WBP1: variants seen among roughly 807,000 people sequenced by gnomAD.
WBP1 encodes the protein WW domain binding protein 1.
A neutral mutation model predicts 25.6 loss-of-function variants in WBP1; 18 were observed. The observed-to-expected ratio is 0.70, with a 90% confidence interval of 0.49 to 1.04. The LOEUF is 1.04. WBP1 is among the 50% of genes least tolerant of loss of function. The pLI is 0.00. For missense variants in WBP1, 330 were observed against 352.9 expected, an observed-to-expected ratio of 0.94 and a Z score of 0.52; for synonymous variants, 122 against 137.7, an observed-to-expected ratio of 0.89 and a Z score of 0.80.
chr2:74,460,112 G>A (rs1043655203), intron 3 of WBP1, 63 bp downstream of exon 3: 63 of 1,590,330 alleles, frequency 4.0e-5, no homozygotes, highest in South Asian at 3.5e-4. Context: ...ACCCCAAATC[G>A]TCTCACATTC....
chr2:74,459,242 C>T (rs932310662), intron 1 of WBP1: 33 of 1,216,170 alleles, frequency 2.7e-5, no homozygotes, highest in African/African-American at 1.1e-4. Flanking sequence ...AATGACCTAC[C>T]GCTACCCGTT....
chr2:74,460,195 A>AATC, intron 3 of WBP1, 26 bp from the exon 4 acceptor site: 1 of 1,592,642 alleles, frequency 6.3e-7, no homozygotes, highest in Non-Finnish European at 8.6e-7. Context: ...GTCTTCAACC[A>AATC]ATCATGCCAA....
chr2:74,458,924 G>T, intron 1 of WBP1: 1 of 1,550,952 alleles, frequency 6.4e-7, no homozygotes, highest in South Asian at 1.2e-5. Context: ...GGCATAGTGA[G>T]GTCCCAGGGA....
At chr2:74,458,859 T>A (rs764897716) in intron 1 of WBP1, 188 bp downstream of exon 1, 4 of 1,549,650 alleles carry the variant, frequency 2.6e-6, no homozygotes, top group Non-Finnish European at 3.5e-6. Context: ...TGTAGCCTCA[T>A]AGAACCCATC....
chr2:74,460,807 T>C lies in WBP1; in HGVS notation c.*126T>C, dbSNP rs543103300. ...CTGAAAGGGCTGGAGAGGGGCAGTATTGGGGGACTGTGCTAGCTTTACCCC... is the reference window on the plus strand; with the variant it reads ...CTGAAAGGGCTGGAGAGGGGCAGTACTGGGGGACTGTGCTAGCTTTACCCC... On this transcript the variant is annotated 3_prime_UTR_variant, in exon 4 of 4. Coordinates refer to ENST00000233615, the MANE Select transcript of WBP1 (RefSeq NM_012477.4). 4.7e-5 allele frequency: 40 copies of C among 851,502 alleles called. No homozygotes were observed. The highest frequency in any genetic ancestry group is 6.5e-5 in the Non-Finnish European group (36 of 553,464). The allele number at this position is 851,502 out of a possible 1,614,324, so 52.7% of individuals were successfully genotyped here.
chr2:74,458,514 G>T lies in WBP1; in HGVS notation c.-89G>T. ...GGCCTCAGCGAAGATGGGCCGGGCA[G>T]GGACCATGGCGGTGGCAGCAGAGGT... On this transcript the variant is annotated 5_prime_UTR_variant, in exon 1 of 4. It adds an upstream start codon to the 5' untranslated region. Transcript: ENST00000233615. 4 of 1,511,712 alleles carry T rather than the reference G, an allele frequency of 2.6e-6. No individual in the cohort carries two copies. In the East Asian group the frequency reaches 9.9e-5, roughly 37 times the overall value. 93.6% of individuals were successfully genotyped at this position (1,511,712 alleles called of 1,614,324 possible).
intron 1 of WBP1, 197 bp from the exon 2 acceptor site, chr2:74,459,446 T>G: frequency 6.3e-6 from 4 of 639,250 alleles, no homozygotes; most frequent in Non-Finnish European, 1.1e-5. Context: ...AGACTGATTC[T>G]TGCTATTCCA....
intron 1 of WBP1, chr2:74,458,992 AAC>A (rs1558562470): frequency 6.4e-7 from 1 of 1,550,612 alleles, no homozygotes; most frequent in Non-Finnish European, 8.7e-7. Context: ...CTATTGTCAC[AAC>A]AGAGTCCGGC....
At position 74,460,472 on chromosome 2, in the gene WBP1, C is replaced by T. The variant is rs141608282; in HGVS notation, c.601C>T (p.Pro201Ser). 3.1e-6 allele frequency: 5 copies of T among 1,613,562 alleles called. No individual in the cohort carries two copies. Among genetic ancestry groups the T allele is most frequent in the East Asian group, 2.2e-5 (1 of 44,870 alleles). Reference protein sequence around the residue: ...GAGVTPASTPPSCRYRRLTGD... With the variant: ...GAGVTPASTPSSCRYRRLTGD... ...AGGGGTGACCCCTGCCTCCACACCC[C>T]CCTCCTGCCGCTATCGCCGTTTAAC... Residue 201 changes from proline (P) to serine (S), a missense_variant, in exon 4 of 4, where the codon CCC becomes TCC. Physicochemically the swap from Pro to Ser is moderately conservative, Grantham distance 74. Coordinates refer to ENST00000233615, the MANE Select transcript of WBP1 (RefSeq NM_012477.4).
chr2:74,459,132 C>A (rs1454825033), intron 1 of WBP1: 3 of 1,539,390 alleles, frequency 1.9e-6, no homozygotes, highest in East Asian at 2.4e-5. Flanking sequence ...CACACTGCCC[C>A]TCCTCTATCC....
chr2:74,458,980 G>T (rs778868928), intron 1 of WBP1: 1 of 1,550,578 alleles, frequency 6.4e-7, no homozygotes, highest in East Asian at 2.4e-5. Flanking sequence ...TTTTCTATGT[G>T]CCTATTGTCA....
In WBP1 at chr2:74,458,636, G is replaced by T; in HGVS notation, c.34G>T (p.Glu12Ter). ...GGCCAGCAGCGGGAACGGCAGCGAG[G>T]AGGCCTGGGGGGCACTTCGGGCGCC... is the stretch of plus-strand genomic sequence containing the variant. ...ARASSGNGSEEAWGALRAPQQ... is the reference protein window; with the variant it reads ...ARASSGNGSE Residue 12 changes from glutamate to a stop codon, truncating the protein, a stop_gained, in exon 1 of 4, where the codon GAG (glutamate) becomes TAG (stop). Coordinates refer to ENST00000233615, the MANE Select transcript of WBP1 (RefSeq NM_012477.4). LOFTEE classifies it high-confidence loss of function. 6.4e-7 allele frequency: 1 copy of T among 1,570,618 alleles called. No individual in the cohort carries two copies. The highest frequency in any genetic ancestry group is 8.6e-7 in the Non-Finnish European group (1 of 1,157,706).
In WBP1 at chr2:74,459,893, GTCC is replaced by G. The variant is rs1282031447; in HGVS notation, c.196_198del (p.Leu66del). 1 of 1,614,168 alleles carries G rather than the reference GTCC, an allele frequency of 6.2e-7. No individual in the cohort carries two copies. Among genetic ancestry groups the G allele is most frequent in the Non-Finnish European group, 8.5e-7 (1 of 1,179,996 alleles). On this transcript the variant is annotated inframe_deletion, in exon 3 of 4. Coordinates refer to ENST00000233615, the MANE Select transcript of WBP1 (RefSeq NM_012477.4). ...TGCAGGGTTCTGGCTGCTCTGGACT[GTCC>G]TCATCCTCTTTAGCTGCTGTTGCGC...
intron 1 of WBP1, chr2:74,459,418 AC>A (rs1671821858): frequency 1.6e-6 from 1 of 628,382 alleles, no homozygotes; most frequent in Non-Finnish European, 2.9e-6. Context: ...GTATGTCCAC[AC>A]TTTTGTCTTG....
chr2:74,459,766 T>G, intron 2 of WBP1, 21 bp downstream of exon 2: 6 of 1,614,128 alleles, frequency 3.7e-6, no homozygotes, highest in Non-Finnish European at 5.1e-6. Flanking sequence ...AAGAGGGCTA[T>G]TTCCAGGTCC....
rs1671834734 is a variant in WBP1, at chr2:74,459,726, C to G, written c.153C>G (p.Thr51=). 3 of 1,614,066 alleles carry G rather than the reference C, an allele frequency of 1.9e-6. No homozygotes were observed. In the South Asian group the frequency reaches 3.3e-5, roughly 18 times the overall value. The change falls in exon 2 of 4, where the codon ACC becomes ACG. Residue 51 remains threonine (T), a synonymous_variant. Transcript: ENST00000233615. ...GCTGCGGGGAGACTGGCTGCTGCACCTACTACTATGAGCTCTGGTGTAAGT... is the reference window on the plus strand; with the variant it reads ...GCTGCGGGGAGACTGGCTGCTGCACGTACTACTATGAGCTCTGGTGTAAGT... ...GHCCGETGCC[T]YYYELWWFWL...
In WBP1 at chr2:74,458,552, G is replaced by A. The variant is rs1178626904; in HGVS notation, c.-51G>A. 2 of 1,525,696 alleles carry A rather than the reference G, an allele frequency of 1.3e-6. No homozygotes were observed. Among genetic ancestry groups the A allele is most frequent in the Non-Finnish European group, 1.8e-6 (2 of 1,130,292 alleles). 94.5% of individuals were successfully genotyped at this position (1,525,696 alleles called of 1,614,324 possible). A position where few individuals can be genotyped will look rare whatever the true frequency, so the allele number is the denominator to read the frequency against. On this transcript the variant is annotated 5_prime_UTR_variant, in exon 1 of 4. Coordinates refer to ENST00000233615, the MANE Select transcript of WBP1 (RefSeq NM_012477.4). ...TGGCAGCAGAGGTGGCAGGGGCGGG[G>A]CGGCTGGCGGTAGAGGAGGCTGTGG...
At position 74,459,866 on chromosome 2, in the gene WBP1, C is replaced by A; in HGVS notation, c.173-7C>A. ...TGCCTGAGTTGCTCCCTCCTTGCCT[C>A]TTGCAGGGTTCTGGCTGCTCTGGAC... On this transcript the variant is annotated splice_polypyrimidine_tract_variant and splice_region_variant and intron_variant, in intron 2 of 3. Transcript: ENST00000233615. 8.7e-6 allele frequency: 14 copies of A among 1,613,316 alleles called. No homozygotes were observed. Among genetic ancestry groups the A allele is most frequent in the Non-Finnish European group, 1.2e-5 (14 of 1,179,336 alleles).
chr2:74,458,941 C>T (rs1489242077), intron 1 of WBP1: 2 of 1,550,818 alleles, frequency 1.3e-6, no homozygotes, highest in Non-Finnish European at 1.7e-6. Context: ...GGGAGGCTCC[C>T]TCTGTCTTGC....
Sources: gnomAD v4.1 joint callset for allele counts on GRCh38, gnomAD v4.1.1 for gene constraint, MANE v1.5 for transcripts, NCBI Gene and HGNC (gene_info 2026-07-23, HGNC 2026-07-21) for gene names.